The following ABCC5 variants were observed in gnomAD, a reference collection of about 807,000 sequenced individuals.
ABCC5 encodes the protein ATP binding cassette subfamily C member 5, also known as ATP-binding cassette sub-family C member 5.
ABCC5 carries 61 observed loss-of-function variants against 160.9 expected under a neutral mutation model. The observed-to-expected ratio is 0.38, with a 90% CI of 0.31 to 0.47. The LOEUF (loss-of-function observed/expected upper bound fraction) is 0.47, where lower values mean the gene tolerates loss of function less well. Among genes scored for constraint, ABCC5 ranks in the 20% least tolerant of loss-of-function variants. ABCC5 has a pLI of 0.99. For synonymous variants in ABCC5, 666 were observed against 700.6 expected (o/e 0.95, Z 0.78); for missense variants, 1,308 against 1,813.3 (o/e 0.72, Z 5.06).
In ABCC5 at chr3:183,942,848, T is replaced by G. The variant is rs746187209; in HGVS notation, c.3573A>C (p.Gly1191=). 1 of 1,614,138 alleles carries G rather than the reference T, an allele frequency of 6.2e-7. No individual in the cohort carries two copies. The highest frequency in any genetic ancestry group is 1.1e-5 in the South Asian group (1 of 91,080). Residue 1191 remains glycine, a synonymous_variant, in exon 25 of 30, where the codon GGA becomes GGC. Coordinates refer to ENST00000334444, the MANE Select transcript of ABCC5 (RefSeq NM_005688.4). ...KAPSPDWPQE[G]EVTFENAEMR... The stretch of plus-strand genomic sequence containing the variant: ...TCTCTGCGTTCTCAAAGGTCACCTC[T>G]CCCTCCTGGGGCCAGTCAGGGGAGG...
intron 16 of ABCC5, among the ~76,000 whole-genome samples, chr3:183,960,682 G>A (rs1230462718): frequency 2.0e-5 from 3 of 152,166 alleles, no homozygotes; most frequent in Admixed American, 6.5e-5. Context: ...CCCTACCCCT[G>A]AGAACTGCCT....
intron 2 of ABCC5, among the ~76,000 whole-genome samples, chr3:184,012,327 C>T (rs1284124662): frequency 6.6e-6 from 1 of 151,978 alleles, no homozygotes; most frequent in Non-Finnish European, 1.5e-5. Context: ...GAATTTCACC[C>T]GACCTATAAT....
At chr3:183,975,611 G>A (rs1718144616) in intron 10 of ABCC5, among the ~76,000 whole-genome samples, 1 of 151,978 alleles carries the variant, frequency 6.6e-6, no homozygotes, top group Non-Finnish European at 1.5e-5. Context: ...CCAAAGTGTT[G>A]GGATTACAGG....
chr3:183,949,845 G>A lies in ABCC5; in HGVS notation c.3135C>T (p.Ile1045=), dbSNP rs1715177866. 1 of 1,614,222 alleles carries A rather than the reference G, an allele frequency of 6.2e-7. No homozygotes were observed. Among genetic ancestry groups the A allele is most frequent in the Admixed American group, 1.7e-5 (1 of 60,026 alleles). The part of the protein sequence containing the change: ...LIRELKRLDN[I]TQSPFLSHIT... ...TGTGGGAGAGGAAAGGTGACTGCGT[G>A]ATATTGTCCAGACGCTTCAGCTCCC... is the stretch of plus-strand genomic sequence containing the variant. Residue 1045 remains isoleucine (I), a synonymous_variant, in exon 22 of 30, where the codon ATC becomes ATT. Transcript: ENST00000334444. The surrounding 1 kb of genome is among the most constrained non-coding windows in gnomAD (Gnocchi z 4.2).
At chr3:183,977,727 C>A in intron 9 of ABCC5, 103 bp from the exon 10 acceptor site, 1 of 738,044 alleles carries the variant, frequency 1.4e-6, no homozygotes, top group Non-Finnish European at 2.2e-6. Context: ...GCTGCAACTT[C>A]ACGGTCAGCT....
intron 2 of ABCC5, among the ~76,000 whole-genome samples, chr3:184,011,101 T>A (rs1314419775): frequency 6.6e-6 from 1 of 152,148 alleles, no homozygotes; most frequent in Non-Finnish European, 1.5e-5. Flanking sequence ...TAGGTTTAAA[T>A]CCTTACCATC....
At chr3:183,946,068 T>A in intron 23 of ABCC5, 129 bp from the exon 24 acceptor site, 1 of 827,572 alleles carries the variant, frequency 1.2e-6, no homozygotes, top group Non-Finnish European at 2.1e-6. Context: ...CTTAGGGACC[T>A]AGTCATTCTC....
chr3:183,976,915 A>G (rs1270346309), intron 10 of ABCC5, among the ~76,000 whole-genome samples: 1 of 152,214 alleles, frequency 6.6e-6, no homozygotes. Context: ...TCCCTTTTGT[A>G]TCATGTATGT....
In ABCC5 at chr3:183,988,656, C is replaced by G. The variant is rs200810558; in HGVS notation, c.359G>C (p.Arg120Pro). The G allele has an allele frequency of 6.8e-6, 11 of 1,614,200 alleles. No homozygotes were observed. The highest frequency in any genetic ancestry group is 3.3e-5 in the Admixed American group (2 of 60,024). ...GAGCTCCCCCTTCTTGTGGGCCACA[C>G]GGGCCAGAGAAGAAAGCCACGAAAA... is the stretch of plus-strand genomic sequence containing the variant. ...MTFSWLSSLARVAHKKGELSM... is the reference protein window; with the variant it reads ...MTFSWLSSLAPVAHKKGELSM... The change falls in exon 4 of 30, where the codon CGT (arginine) becomes CCT (proline). Residue 120 changes from arginine (R) to proline (P), a missense_variant. Arg to Pro is a moderately radical substitution (Grantham distance 103, BLOSUM62 -2). Transcript: ENST00000334444. This position sits in a 1 kb window ranked among gnomAD's most constrained non-coding sequence, Gnocchi z 4.4.
chr3:183,958,871 A>C (rs779478885), intron 17 of ABCC5, among the ~76,000 whole-genome samples: 7 of 152,096 alleles, frequency 4.6e-5, no homozygotes, highest in Admixed American at 6.6e-5. Flanking sequence ...AAGTACTGGG[A>C]CTACAGGTAT....
chr3:183,939,394 T>C (rs773998923), intron 25 of ABCC5, among the ~76,000 whole-genome samples: 2 of 152,114 alleles, frequency 1.3e-5, no homozygotes, highest in Non-Finnish European at 2.9e-5. Context: ...GATCGTATCA[T>C]TGCACTCCAG....
At position 183,956,468 on chromosome 3, in the gene ABCC5, A is replaced by G. The variant is rs560866210; in HGVS notation, c.2483-3198T>C. On this transcript the variant is annotated intron_variant, in intron 17 of 29. Transcript: ENST00000334444. ...TGTAAATCACATCGGTTACATGCGG[A>G]TCCGTGTGTATATCACATCTGTTAC... Among the ~76,000 whole-genome samples, 37 of 150,256 alleles carry G rather than the reference A, an allele frequency of 2.5e-4. 1 individual carries two copies. The highest frequency in any genetic ancestry group is 8.9e-4 in the African/African-American group (36 of 40,378).
At position 183,949,162 on chromosome 3, in the gene ABCC5, A is replaced by G. The variant is rs1715114257; in HGVS notation, c.3227+591T>C. The stretch of plus-strand genomic sequence containing the variant: ...TCATTCTTTTTAAGGGCCACATAGT[A>G]CTCTATGGATATACCATAGCTTATT... On this transcript the variant is annotated intron_variant, in intron 22 of 29. Coordinates refer to ENST00000334444, the MANE Select transcript of ABCC5 (RefSeq NM_005688.4). This position sits in a 1 kb window ranked among gnomAD's most constrained non-coding sequence, Gnocchi z 4.2. 6.6e-6 allele frequency among the ~76,000 whole-genome samples: 1 copy of G among 152,210 alleles called. No homozygotes were observed. The highest frequency in any genetic ancestry group is 2.4e-5 in the African/African-American group (1 of 41,458).
intron 2 of ABCC5, among the ~76,000 whole-genome samples, chr3:183,990,869 C>G (rs1448070926): frequency 6.6e-6 from 1 of 152,206 alleles, no homozygotes; most frequent in Non-Finnish European, 1.5e-5. Flanking sequence ...CCCGTTTACT[C>G]TAAAAGTAAC....
chr3:183,994,309 T>C (rs1350546431), intron 2 of ABCC5, among the ~76,000 whole-genome samples: 1 of 152,228 alleles, frequency 6.6e-6, no homozygotes, highest in Non-Finnish European at 1.5e-5. Flanking sequence ...AGTACCATTT[T>C]ACATTCCCAC....
chr3:183,951,000 G>A (rs904632343), intron 20 of ABCC5, among the ~76,000 whole-genome samples: 3 of 152,188 alleles, frequency 2.0e-5, no homozygotes, highest in African/African-American at 2.4e-5. Context: ...GGCCTGCTGC[G>A]GGGATTAAGG....
rs142471586 is a variant in ABCC5, at chr3:183,926,256, A to G, written c.4048-537T>C. Among the ~76,000 whole-genome samples the G allele has an allele frequency of 1.3e-4, 20 of 151,094 alleles. No individual in the cohort carries two copies. The East Asian group carries it at 3.5e-3, about 27-fold the overall frequency. On this transcript the variant is annotated intron_variant, in intron 28 of 29. Coordinates refer to ENST00000334444, the MANE Select transcript of ABCC5 (RefSeq NM_005688.4). Reference sequence around the variant, plus strand: ...TTGATTTCCAAAACAGCATATTTGTAAAATACTGATCTAGGCTGAGCGCAG... The same window carrying G: ...TTGATTTCCAAAACAGCATATTTGTGAAATACTGATCTAGGCTGAGCGCAG...
chr3:184,009,945 TCAA>T lies in ABCC5; in HGVS notation c.129+4316_129+4318del, dbSNP rs1408139577. 9.3e-6 allele frequency: 4 copies of T among 429,862 alleles called. No homozygotes were observed. The East Asian group carries it at 2.2e-4, about 23-fold the overall frequency. 26.6% of individuals were successfully genotyped at this position (429,862 alleles called of 1,614,324 possible). On this transcript the variant is annotated intron_variant, in intron 2 of 29. Coordinates refer to ENST00000334444, the MANE Select transcript of ABCC5 (RefSeq NM_005688.4). The stretch of plus-strand genomic sequence containing the variant: ...GGGAGGCTTGCTTGAAGCTGGGAGT[TCAA>T]CAACAGCCTGGCCAACAGTGAGAGT...
chr3:183,991,477 A>G (rs1719765432), intron 2 of ABCC5, among the ~76,000 whole-genome samples: 1 of 152,186 alleles, frequency 6.6e-6, no homozygotes, highest in Admixed American at 6.5e-5. Context: ...TTAAACATTA[A>G]CAGAACTGAA....
Sources: allele counts gnomAD v4.1 joint callset (sites outside exome capture counted in the v4.1 genomes callset), GRCh38; gene constraint gnomAD v4.1.1; non-coding constraint Gnocchi (gnomAD v3.1); transcripts MANE v1.5; gene names NCBI Gene and HGNC (gene_info 2026-07-23, HGNC 2026-07-21).